The following ZFHX3 variants were observed in gnomAD, a reference collection of about 807,000 sequenced individuals.
ZFHX3 encodes zinc finger homeobox protein 3.
Under a neutral mutation model 279.1 loss-of-function variants are expected in ZFHX3, and 42 were observed. The observed-to-expected ratio is 0.15, with a 90% CI of 0.12 to 0.19. ZFHX3 has a LOEUF of 0.19. Ranked by LOEUF, ZFHX3 falls within the 10% of genes least tolerant of loss-of-function variation. The pLI, the probability that ZFHX3 is intolerant of heterozygous loss-of-function variation, is 1.00. For missense variants in ZFHX3, 4,981 were observed against 4,754.0 expected (o/e 1.05, Z -1.40); for synonymous variants, 2,293 against 1,957.8 (o/e 1.17, Z -4.52).
chr16:73,446,553 A>T (rs867763493), intron 3 of ZFHX3, among the ~76,000 whole-genome samples: 1 of 152,342 alleles, frequency 6.6e-6, no homozygotes, highest in East Asian at 1.9e-4. Flanking sequence ...TACAGTTTGG[A>T]TTACAATTCA....
chr16:73,792,857 C>CA (rs1555501992), intron 1 of ZFHX3, among the ~76,000 whole-genome samples: 2 of 46,074 alleles, frequency 4.3e-5, no homozygotes, highest in South Asian at 1.2e-3. Context: ...ATACAGTGCA[C>CA]CCCCCCCCTC....
chr16:73,634,591 A>G (rs572324276), intron 2 of ZFHX3, among the ~76,000 whole-genome samples: 1 of 151,962 alleles, frequency 6.6e-6, no homozygotes. Context: ...AGGTTATTTA[A>G]CCCATTTTGC....
chr16:73,228,774 A>G (rs1303945730), intron 5 of ZFHX3, among the ~76,000 whole-genome samples: 2 of 152,216 alleles, frequency 1.3e-5, no homozygotes, highest in Non-Finnish European at 2.9e-5. Context: ...AGCATCACAG[A>G]TAAAGCCAAG....
intron 4 of ZFHX3, among the ~76,000 whole-genome samples, chr16:73,288,426 A>G (rs2014684358): frequency 6.6e-6 from 1 of 152,116 alleles, no homozygotes; most frequent in South Asian, 2.1e-4. Flanking sequence ...CACTTACAAA[A>G]TGGAAGGGAC....
chr16:73,074,316 A>G (rs1597148261), intron 8 of ZFHX3, among the ~76,000 whole-genome samples: 1 of 152,336 alleles, frequency 6.6e-6, no homozygotes, highest in East Asian at 1.9e-4. Context: ...CAGCTCTCTG[A>G]GTGGGTTTCC....
chr16:73,589,259 C>CAA (rs34481194), intron 2 of ZFHX3, among the ~76,000 whole-genome samples: 399 of 30,964 alleles, frequency 0.013, 29 homozygotes, highest in Non-Finnish European at 0.017. Context: ...GATTCTGTCT[C>CAA]AAAAAAAAAA....
rs148841061 is a variant in ZFHX3 at position 72,959,066 on chromosome 16, G to C, written c.1080C>G (p.Pro360=). 1 of 1,614,062 alleles carries C rather than the reference G, an allele frequency of 6.2e-7. No individual in the cohort carries two copies. Among genetic ancestry groups the C allele is most frequent in the Admixed American group, 1.7e-5 (1 of 60,000 alleles). The change falls in exon 2 of 10, where the codon CCC becomes CCG. Residue 360 remains proline (P), a synonymous_variant. Transcript: ENST00000268489. The part of the protein sequence containing the change: ...PLVSTANLIG[P]GHSFYGKFSG... Reference sequence around the variant, plus strand: ...TAAATTTACCATAAAAACTGTGTCCGGGGCCTATGAGGTTAGCTGTGGAAA... The same window carrying C: ...TAAATTTACCATAAAAACTGTGTCCCGGGCCTATGAGGTTAGCTGTGGAAA...
chr16:73,142,729 TAACAGCTACTATTCATTG>T (rs780469982), intron 6 of ZFHX3, among the ~76,000 whole-genome samples: 5 of 152,190 alleles, frequency 3.3e-5, no homozygotes, highest in African/African-American at 4.8e-5. Flanking sequence ...ATGATAAAGT[TAACAGCTACTATTCATTG>T]AATGATTATA....
chr16:72,870,590 C>T (rs562761797), intron 4 of ZFHX3, among the ~76,000 whole-genome samples: 11 of 150,568 alleles, frequency 7.3e-5, no homozygotes, highest in East Asian at 2.0e-4. Flanking sequence ...TGGTGGCAGG[C>T]GCCCTTAGTC....
At chr16:72,949,212 C>T (rs553767513) in intron 3 of ZFHX3, among the ~76,000 whole-genome samples, 9 of 152,322 alleles carry the variant, frequency 5.9e-5, no homozygotes, top group African/African-American at 2.2e-4. Flanking sequence ...TATATGGAAT[C>T]TCCGTTTAAA....
chr16:73,234,253 C>G (rs1450962236), intron 5 of ZFHX3, among the ~76,000 whole-genome samples: 5 of 152,172 alleles, frequency 3.3e-5, no homozygotes, highest in Admixed American at 6.5e-5. Context: ...AGGGCCTATA[C>G]AGACCTGATC....
chr16:72,958,805 G>A lies in ZFHX3; in HGVS notation c.1341C>T (p.Gly447=), dbSNP rs148524035. Residue 447 remains glycine (G), a synonymous_variant, in exon 2 of 10, where the codon GGC becomes GGT. Transcript: ENST00000268489. ...CCTTCTCAGAGAAGCAATCCCCGTC[G>A]CCCACTTCCTGCTTCTCTCCTTCTG... The part of the protein sequence containing the change: ...GAAEGEKQEV[G]DGDCFSEKVE... 159 of 1,613,824 alleles carry A rather than the reference G, an allele frequency of 9.9e-5. No homozygotes were observed. The African/African-American group carries it at 1.8e-3, about 18-fold the overall frequency.
chr16:73,319,567 T>C (rs1382464658), intron 3 of ZFHX3, among the ~76,000 whole-genome samples: 7 of 148,952 alleles, frequency 4.7e-5, no homozygotes, highest in Admixed American at 4.0e-4. Flanking sequence ...GGGCGGGGGG[T>C]TGGTTAAGTC....
chr16:73,428,306 C>G (rs919794445), intron 3 of ZFHX3, among the ~76,000 whole-genome samples: 1 of 152,166 alleles, frequency 6.6e-6, no homozygotes, highest in Non-Finnish European at 1.5e-5. Flanking sequence ...TCCCTTTGGT[C>G]AGGCTAAGAA....
intron 3 of ZFHX3, among the ~76,000 whole-genome samples, chr16:73,365,138 T>C (rs1327549181): frequency 6.6e-6 from 1 of 152,182 alleles, no homozygotes; most frequent in African/African-American, 2.4e-5. Flanking sequence ...CCATGAGGGA[T>C]TGTGATGATT....
chr16:73,124,685 C>A (rs1800947140), intron 7 of ZFHX3, among the ~76,000 whole-genome samples: 1 of 152,168 alleles, frequency 6.6e-6, no homozygotes, highest in African/African-American at 2.4e-5. Flanking sequence ...GGGACTATTA[C>A]ATCTACAAAG....
At chr16:73,745,413 G>A (rs74028450) in intron 1 of ZFHX3, among the ~76,000 whole-genome samples, 2,029 of 152,272 alleles carry the variant, frequency 0.013, 52 homozygotes, top group African/African-American at 0.045. Context: ...GGTCCTACAA[G>A]GAGCAGGGCA....
intron 3 of ZFHX3, among the ~76,000 whole-genome samples, chr16:73,352,573 G>A (rs535890233): frequency 1.3e-3 from 193 of 147,702 alleles, no homozygotes; most frequent in African/African-American, 4.6e-3. Context: ...TCTGCCTCCC[G>A]GGTTCAGGCA....
intron 1 of ZFHX3, among the ~76,000 whole-genome samples, chr16:73,775,319 C>G (rs1959221503): frequency 6.6e-6 from 1 of 152,128 alleles, no homozygotes; most frequent in Non-Finnish European, 1.5e-5. Flanking sequence ...TGAGGCCATC[C>G]TATTGTAGCA....
Sources: allele counts gnomAD v4.1 joint callset (sites outside exome capture counted in the v4.1 genomes callset), GRCh38; gene constraint gnomAD v4.1.1; transcripts MANE v1.5; gene names NCBI Gene and HGNC (gene_info 2026-07-23, HGNC 2026-07-21).